MLLT10: variants seen among roughly 807,000 people sequenced by gnomAD.
The protein encoded by MLLT10 is MLLT10 histone lysine methyltransferase DOT1L cofactor, also known as protein AF-10.
MLLT10 carries 30 observed loss-of-function variants against 129.1 expected under a neutral mutation model. The ratio of observed to expected loss-of-function variants is 0.23; its 90% CI spans 0.17 to 0.32. MLLT10 has a LOEUF of 0.32. Among genes scored for constraint, MLLT10 ranks in the 10% least tolerant of loss-of-function variants. The pLI, the probability that MLLT10 is intolerant of heterozygous loss-of-function variation, is 1.00. For synonymous variants in MLLT10, 490 were observed against 446.4 expected, an observed-to-expected ratio of 1.10 and a Z score of -1.23; for missense variants, 1,119 against 1,268.3, an observed-to-expected ratio of 0.88 and a Z score of 1.79.
chr10:21,651,903 CTTTT>C (rs775460288), intron 9 of MLLT10, 135 bp downstream of exon 9: 770 of 133,168 alleles, frequency 5.8e-3, no homozygotes, highest in South Asian at 0.012. Flanking sequence ...ATTCTCATTT[CTTTT>C]TTTTTTTTTT....
In MLLT10 at chr10:21,715,471, G is replaced by C. The variant is rs150852593; in HGVS notation, c.1878+1521G>C. On this transcript the variant is annotated intron_variant, in intron 14 of 22. Coordinates refer to ENST00000307729, the MANE Select transcript of MLLT10 (RefSeq NM_001195626.3). The stretch of plus-strand genomic sequence containing the variant: ...GGTTAGAGAGGGTGAAAGGATAAAT[G>C]AAAGAATAGCTCCTATAAATGGTTT... Among the ~76,000 whole-genome samples the C allele has an allele frequency of 3.8e-3, 574 of 152,260 alleles. 5 individuals are homozygous for C. Among genetic ancestry groups the C allele is most frequent in the African/African-American group, 0.013 (542 of 41,542 alleles).
intron 6 of MLLT10, among the ~76,000 whole-genome samples, chr10:21,614,553 A>G (rs1453878862): frequency 2.0e-5 from 3 of 151,994 alleles, no homozygotes; most frequent in African/African-American, 4.8e-5. Context: ...CTTAATATCT[A>G]TTTGGAGACA....
chr10:21,539,636 G>C (rs556787974), intron 3 of MLLT10, among the ~76,000 whole-genome samples: 1 of 152,030 alleles, frequency 6.6e-6, no homozygotes, highest in Non-Finnish European at 1.5e-5. Context: ...GCTGGGTGTG[G>C]CAAGCACCTG....
At chr10:21,658,844 T>A (rs1469292250) in intron 9 of MLLT10, among the ~76,000 whole-genome samples, 2 of 152,112 alleles carry the variant, frequency 1.3e-5, no homozygotes, top group African/African-American at 2.4e-5. Context: ...TTTTGTATTT[T>A]TTTAGTAGAG....
chr10:21,614,128 G>A (rs2044977786), intron 6 of MLLT10, among the ~76,000 whole-genome samples: 1 of 148,428 alleles, frequency 6.7e-6, no homozygotes, highest in South Asian at 2.1e-4. Context: ...TGAGGTGGGA[G>A]GATTGCCTGA....
At chr10:21,696,319 C>T (rs968691836) in intron 13 of MLLT10, among the ~76,000 whole-genome samples, 1 of 150,752 alleles carries the variant, frequency 6.6e-6, no homozygotes, top group Non-Finnish European at 1.5e-5. Context: ...TATTTTTTTT[C>T]CCTATGACAC....
intron 9 of MLLT10, 31 bp from the exon 10 acceptor site, chr10:21,670,418 T>C: frequency 6.3e-7 from 1 of 1,574,872 alleles, no homozygotes; most frequent in Non-Finnish European, 8.6e-7. Context: ...AATCAACTCT[T>C]TTTCCTTCCC....
intron 8 of MLLT10, among the ~76,000 whole-genome samples, chr10:21,641,388 A>G (rs1030976197): frequency 3.3e-5 from 5 of 152,256 alleles, no homozygotes; most frequent in African/African-American, 1.2e-4. Context: ...ATAATTAGAG[A>G]AAAATTATTA....
chr10:21,658,193 T>C (rs1441384639), intron 9 of MLLT10, among the ~76,000 whole-genome samples: 4 of 152,232 alleles, frequency 2.6e-5, no homozygotes, highest in Non-Finnish European at 1.5e-5. Flanking sequence ...TTTTGACATA[T>C]GTACACATTA....
intron 5 of MLLT10, among the ~76,000 whole-genome samples, chr10:21,602,171 A>G (rs1474665332): frequency 1.3e-5 from 2 of 152,188 alleles, no homozygotes; most frequent in Non-Finnish European, 2.9e-5. Flanking sequence ...TTCCATTATT[A>G]GAAATTGAGC....
chr10:21,559,132 G>T (rs982941351), intron 3 of MLLT10, among the ~76,000 whole-genome samples: 2 of 152,180 alleles, frequency 1.3e-5, no homozygotes, highest in Non-Finnish European at 2.9e-5. Context: ...CGCCCAGGCT[G>T]GAGTGCAGTG....
chr10:21,540,012 T>C (rs1588774702), intron 3 of MLLT10, among the ~76,000 whole-genome samples: 1 of 151,838 alleles, frequency 6.6e-6, no homozygotes, highest in African/African-American at 2.4e-5. Context: ...CCCACCACTT[T>C]GGGAAGCCGA....
chr10:21,557,079 A>G (rs1410099571), intron 3 of MLLT10: 1 of 1,412,190 alleles, frequency 7.1e-7, no homozygotes, highest in African/African-American at 1.4e-5. Flanking sequence ...AACATTTTTG[A>G]ATCATCTCAT....
At chr10:21,641,815 C>G (rs991711803) in intron 8 of MLLT10, among the ~76,000 whole-genome samples, 4 of 152,194 alleles carry the variant, frequency 2.6e-5, no homozygotes, top group Non-Finnish European at 4.4e-5. Flanking sequence ...ATCAGAGTGG[C>G]TGAAGCAATT....
chr10:21,592,251 A>G (rs2042576354), intron 4 of MLLT10, among the ~76,000 whole-genome samples: 1 of 152,072 alleles, frequency 6.6e-6, no homozygotes, highest in African/African-American at 2.4e-5. Flanking sequence ...ATCACTCTTT[A>G]TATTTTTCTT....
At chr10:21,616,906 G>T (rs1215075760) in intron 7 of MLLT10, among the ~76,000 whole-genome samples, 2 of 151,738 alleles carry the variant, frequency 1.3e-5, no homozygotes, top group African/African-American at 2.4e-5. Context: ...ACAAAAATAT[G>T]GCATTAATGT....
In MLLT10 at chr10:21,538,855, A is replaced by G. The variant is rs2034569068; in HGVS notation, c.183A>G (p.Val61=). The G allele has an allele frequency of 1.2e-6, 2 of 1,613,252 alleles. No individual in the cohort carries two copies. Among genetic ancestry groups the G allele is most frequent in the East Asian group, 2.2e-5 (1 of 44,888 alleles). ...VHQACYGIVQ[V]PTGPWFCRKC... is the part of the protein sequence containing the mutation. ...CAGCTTGCTATGGCATTGTTCAAGT[A>G]CCCACTGGACCGTGGTTTTGCAGGA... is the stretch of plus-strand genomic sequence containing the variant. Residue 61 remains valine, a synonymous_variant, in exon 3 of 23, where the codon GTA becomes GTG. Transcript: ENST00000307729.
chr10:21,582,087 G>A (rs367996932), intron 3 of MLLT10, among the ~76,000 whole-genome samples: 3 of 151,878 alleles, frequency 2.0e-5, no homozygotes, highest in African/African-American at 7.2e-5. Flanking sequence ...CATTCATATA[G>A]CTTTTCTTAT....
chr10:21,708,503 G>A, intron 13 of MLLT10: 1 of 900,554 alleles, frequency 1.1e-6, no homozygotes, highest in Non-Finnish European at 1.3e-6. Context: ...TTCAAAGAAA[G>A]ATTTAGAATT....
Sources: allele counts gnomAD v4.1 joint callset (sites outside exome capture counted in the v4.1 genomes callset), GRCh38; gene constraint gnomAD v4.1.1; transcripts MANE v1.5; gene names NCBI Gene and HGNC (gene_info 2026-07-23, HGNC 2026-07-21).